R3HCC1L: variants seen among roughly 807,000 people sequenced by gnomAD.
R3HCC1L encodes the protein R3H domain and coiled-coil containing 1 like.
In R3HCC1L, 51 loss-of-function variants were observed where a neutral mutation model predicts 59.9. The observed-to-expected ratio is 0.85, with a 90% CI of 0.68 to 1.07. R3HCC1L has a LOEUF of 1.07. Among genes scored for constraint, R3HCC1L ranks in the 50% least tolerant of loss-of-function variants. R3HCC1L has a pLI of 0.00. For missense variants in R3HCC1L, 965 were observed against 933.0 expected, an observed-to-expected ratio of 1.03 and a Z score of -0.45; for synonymous variants, 322 against 315.2, an observed-to-expected ratio of 1.02 and a Z score of -0.23.
At chr10:98,194,517 A>G (rs1851213017) in intron 4 of R3HCC1L, among the ~76,000 whole-genome samples, 1 of 152,192 alleles carries the variant, frequency 6.6e-6, no homozygotes, top group Admixed American at 6.5e-5. Flanking sequence ...ACAGCAAATA[A>G]ACAGTTGTCA....
chr10:98,156,348 T>TC (rs961706759), intron 2 of R3HCC1L, among the ~76,000 whole-genome samples: 14 of 152,198 alleles, frequency 9.2e-5, no homozygotes, highest in Non-Finnish European at 1.9e-4. Flanking sequence ...GCCTGCCCTC[T>TC]CACATAGCTT....
intron 4 of R3HCC1L, among the ~76,000 whole-genome samples, chr10:98,164,496 T>A (rs957787604): frequency 2.0e-5 from 3 of 152,206 alleles, no homozygotes; most frequent in African/African-American, 7.2e-5. Flanking sequence ...AAGGCCTACA[T>A]CTCAGAGCAA....
rs13328742 is a variant in R3HCC1L, at chr10:98,159,759, C to G, written c.-212-3124C>G. ...CCCTGTCATTCTTTGAGCATGTATT[C>G]TAGGCTCATCTTGCATGTTCCCAGC... On this transcript the variant is annotated intron_variant, in intron 2 of 9. Transcript: ENST00000298999. Among the ~76,000 whole-genome samples, 1,021 of 152,244 alleles carry G rather than the reference C, an allele frequency of 6.7e-3. 17 individuals carry two copies. Among genetic ancestry groups the G allele is most frequent in the African/African-American group, 0.023 (940 of 41,540 alleles).
Position 98,208,282 on chromosome 10 carries a change from C to T in R3HCC1L, c.168C>T (p.Leu56=), listed in dbSNP as rs761439395. 1 of 1,614,124 alleles carries T rather than the reference C, an allele frequency of 6.2e-7. No individual in the cohort carries two copies. The highest frequency in any genetic ancestry group is 1.1e-5 in the South Asian group (1 of 91,082). Residue 56 remains leucine (L), a synonymous_variant, in exon 5 of 10, where the codon CTC becomes CTT. Transcript: ENST00000298999. Reference sequence around the variant, plus strand: ...AAGAAAAGCAAAAAGAAAGTTCTCTCTCCCAAAAAGAAGTCTTTAAAGACA... The same window carrying T: ...AAGAAAAGCAAAAAGAAAGTTCTCTTTCCCAAAAAGAAGTCTTTAAAGACA... The part of the protein sequence containing the change: ...VVKEKQKESS[L]SQKEVFKDKP...
At chr10:98,200,704 T>TA in intron 4 of R3HCC1L, among the ~76,000 whole-genome samples, 1 of 152,134 alleles carries the variant, frequency 6.6e-6, no homozygotes, top group Non-Finnish European at 1.5e-5. Context: ...AGGGGACATA[T>TA]AGCAGAGCTA....
At chr10:98,171,176 C>A (rs907902391) in intron 4 of R3HCC1L, among the ~76,000 whole-genome samples, 4 of 152,314 alleles carry the variant, frequency 2.6e-5, no homozygotes, top group Middle Eastern at 3.4e-3. Context: ...ATAATTGTAA[C>A]CAAGGTTCCA....
chr10:98,153,272 ATTC>A (rs1216701642), intron 1 of R3HCC1L, among the ~76,000 whole-genome samples: 2 of 152,176 alleles, frequency 1.3e-5, no homozygotes, highest in Non-Finnish European at 1.5e-5. Flanking sequence ...ACTAAGAAAA[ATTC>A]TTCTGCCTTG....
chr10:98,172,664 A>C (rs1452697323), intron 4 of R3HCC1L, among the ~76,000 whole-genome samples: 3 of 152,096 alleles, frequency 2.0e-5, no homozygotes, highest in Non-Finnish European at 4.4e-5. Flanking sequence ...GGCAGCCGTA[A>C]CTCTGAAATA....
chr10:98,157,707 A>G (rs954937741), intron 2 of R3HCC1L, among the ~76,000 whole-genome samples: 1 of 152,210 alleles, frequency 6.6e-6, no homozygotes, highest in African/African-American at 2.4e-5. Flanking sequence ...TCTGCTGTCT[A>G]TCCTTGTGGA....
intron 5 of R3HCC1L, among the ~76,000 whole-genome samples, chr10:98,223,720 G>T (rs1050989718): frequency 6.6e-6 from 1 of 152,004 alleles, no homozygotes; most frequent in Non-Finnish European, 1.5e-5. Flanking sequence ...CTTTGCTGGG[G>T]ATGAGGACAC....
In R3HCC1L at chr10:98,244,108, G is replaced by A. The variant is rs1857847578; in HGVS notation, c.2287G>A (p.Ala763Thr). ...QEARERKRLEAKQREDIWEGR... is the reference protein window; with the variant it reads ...QEARERKRLETKQREDIWEGR... Reference sequence around the variant, plus strand: ...ATTTACAGAGAGAAAGCGGTTGGAAGCCAAGCAACGGGAAGACATCTGGGA... The same window carrying A: ...ATTTACAGAGAGAAAGCGGTTGGAAACCAAGCAACGGGAAGACATCTGGGA... The change falls in exon 10 of 10, where the codon GCC (alanine) becomes ACC (threonine). Residue 763 changes from alanine (A) to threonine (T), a missense_variant. Physicochemically the swap from Ala to Thr is moderately conservative, Grantham distance 58 (BLOSUM62 0). Coordinates refer to ENST00000298999, the MANE Select transcript of R3HCC1L (RefSeq NM_001351015.2). 1 of 1,613,910 alleles carries A rather than the reference G, an allele frequency of 6.2e-7. No homozygotes were observed. Among genetic ancestry groups the A allele is most frequent in the Non-Finnish European group, 8.5e-7 (1 of 1,179,898 alleles).
At chr10:98,222,958 C>T (rs961156120) in intron 5 of R3HCC1L, among the ~76,000 whole-genome samples, 16 of 152,032 alleles carry the variant, frequency 1.1e-4, no homozygotes, top group African/African-American at 2.4e-4. Context: ...ATAAATTCCT[C>T]GACACATACA....
intron 4 of R3HCC1L, among the ~76,000 whole-genome samples, chr10:98,193,753 T>C (rs1353511795): frequency 6.6e-6 from 1 of 152,166 alleles, no homozygotes; most frequent in Non-Finnish European, 1.5e-5. Context: ...CTTTGAGCAC[T>C]GTCAGCACAC....
intron 4 of R3HCC1L, among the ~76,000 whole-genome samples, chr10:98,165,312 T>G (rs1776970993): frequency 2.0e-5 from 3 of 152,154 alleles, no homozygotes; most frequent in Non-Finnish European, 4.4e-5. Flanking sequence ...GTTCTATTGA[T>G]GAAAGTATGG....
intron 4 of R3HCC1L, among the ~76,000 whole-genome samples, chr10:98,199,656 T>A (rs965011046): frequency 3.9e-5 from 6 of 152,040 alleles, no homozygotes; most frequent in Non-Finnish European, 8.8e-5. Context: ...TCTTGCTAAT[T>A]GAGAAAATTA....
chr10:98,212,880 T>C (rs751459590), intron 5 of R3HCC1L, among the ~76,000 whole-genome samples: 32 of 152,272 alleles, frequency 2.1e-4, no homozygotes, highest in South Asian at 6.2e-4. Context: ...TCCTAAACTT[T>C]TTAAGAATTT....
intron 1 of R3HCC1L, among the ~76,000 whole-genome samples, chr10:98,148,479 G>C (rs897832032): frequency 6.6e-6 from 1 of 152,112 alleles, no homozygotes; most frequent in Non-Finnish European, 1.5e-5. Context: ...TTAGAGGAAA[G>C]GCTTTCAGTT....
chr10:98,215,316 A>T (rs1297041162), intron 5 of R3HCC1L, among the ~76,000 whole-genome samples: 1 of 152,224 alleles, frequency 6.6e-6, no homozygotes, highest in African/African-American at 2.4e-5. Flanking sequence ...TTTATGAATT[A>T]CTAAGATAGA....
chr10:98,160,212 A>G (rs540164070), intron 2 of R3HCC1L, among the ~76,000 whole-genome samples: 7 of 152,354 alleles, frequency 4.6e-5, no homozygotes, highest in South Asian at 4.1e-4. Flanking sequence ...GTAGAATTCA[A>G]TGTTTGTTTA....
Sources: gnomAD v4.1 joint callset for allele counts (sites outside exome capture counted in the v4.1 genomes callset) on GRCh38, gnomAD v4.1.1 for gene constraint, MANE v1.5 for transcripts, NCBI Gene and HGNC (gene_info 2026-07-23, HGNC 2026-07-21) for gene names.